MAN1A1: variants seen among roughly 807,000 people sequenced by gnomAD.
MAN1A1 encodes mannosidase alpha class 1A member 1, also known as mannosyl-oligosaccharide 1,2-alpha-mannosidase IA.
A neutral mutation model predicts 70.8 loss-of-function variants in MAN1A1; 29 were observed. The observed-to-expected ratio is 0.41, with a 90% CI of 0.31 to 0.56. The LOEUF is 0.56. Ranked by LOEUF, MAN1A1 falls within the 20% of genes least tolerant of loss-of-function variation. MAN1A1 has a pLI of 0.29. For missense variants in MAN1A1, 747 were observed against 841.3 expected (o/e 0.89, Z 1.39); for synonymous variants, 349 against 330.1 (o/e 1.06, Z -0.62).
chr6:119,189,575 G>C, intron 10 of MAN1A1, 89 bp downstream of exon 10: 5 of 1,150,024 alleles, frequency 4.3e-6, no homozygotes, highest in Non-Finnish European at 6.5e-6. Flanking sequence ...TAGGCAGAGC[G>C]GATAGTCTTT....
At chr6:119,215,013 C>T (rs1774159478) in intron 6 of MAN1A1, among the ~76,000 whole-genome samples, 1 of 146,332 alleles carries the variant, frequency 6.8e-6, no homozygotes, top group South Asian at 2.1e-4. Flanking sequence ...AACACATGGA[C>T]ACAGGAAGGG....
At chr6:119,237,859 TAAAA>T (rs1410328770) in intron 6 of MAN1A1, among the ~76,000 whole-genome samples, 1 of 152,020 alleles carries the variant, frequency 6.6e-6, no homozygotes, top group Non-Finnish European at 1.5e-5. Context: ...TTTTTTTAAA[TAAAA>T]AAAGATATGT....
chr6:119,180,340 GC>G lies in MAN1A1; in HGVS notation c.1806del (p.Gln602HisfsTer10). 1.2e-6 allele frequency: 2 copies of G among 1,613,588 alleles called. No homozygotes were observed. Among genetic ancestry groups the G allele is most frequent in the Non-Finnish European group, 1.7e-6 (2 of 1,179,696 alleles). On this transcript the variant is annotated frameshift_variant, in exon 12 of 13. Coordinates refer to ENST00000368468, the MANE Select transcript of MAN1A1 (RefSeq NM_005907.4). LOFTEE classifies it high-confidence loss of function. ...YLLHESYDDVQQSFFLAETLK... is the reference protein window; with the variant it reads ...YLLHESYDDVXQSFFLAETLK... ...AATGTCTCTGCCAGGAAGAAACTCT[GC>G]TGCACATCATCATAACTCTCATGAA... is the stretch of plus-strand genomic sequence containing the variant.
chr6:119,227,811 C>G (rs191317314), intron 6 of MAN1A1, among the ~76,000 whole-genome samples: 1 of 151,956 alleles, frequency 6.6e-6, no homozygotes, highest in Non-Finnish European at 1.5e-5. Flanking sequence ...ATGTTAACAT[C>G]GGATTGAAAT....
At chr6:119,277,118 G>A (rs1562222120) in intron 5 of MAN1A1, among the ~76,000 whole-genome samples, 1 of 151,910 alleles carries the variant, frequency 6.6e-6, no homozygotes, top group Non-Finnish European at 1.5e-5. Flanking sequence ...TGCCCTCAAG[G>A]CTTATGTTTA....
chr6:119,295,060 T>G (rs1200518886), intron 4 of MAN1A1, among the ~76,000 whole-genome samples: 1 of 152,122 alleles, frequency 6.6e-6, no homozygotes, highest in African/African-American at 2.4e-5. Flanking sequence ...TTATTTTGTA[T>G]GCTTCCCTCC....
rs371098298 is a variant in MAN1A1, at chr6:119,237,597, G to A, written c.992+10663C>T. On this transcript the variant is annotated intron_variant, in intron 6 of 12. Coordinates refer to ENST00000368468, the MANE Select transcript of MAN1A1 (RefSeq NM_005907.4). Reference sequence around the variant, plus strand: ...GGCTAAGGTCTAAATCAAACATAGTGTGGATGGCCCCTTGATGATTTCAGG... The same window carrying A: ...GGCTAAGGTCTAAATCAAACATAGTATGGATGGCCCCTTGATGATTTCAGG... Among the ~76,000 whole-genome samples the A allele has an allele frequency of 2.6e-5, 4 of 152,204 alleles. No homozygotes were observed. The East Asian group carries it at 5.8e-4, about 22-fold the overall frequency.
chr6:119,255,978 C>T (rs928020060), intron 5 of MAN1A1, among the ~76,000 whole-genome samples: 18 of 152,078 alleles, frequency 1.2e-4, no homozygotes, highest in African/African-American at 3.9e-4. Flanking sequence ...TTTTTCTCCC[C>T]TGTGATTCAA....
chr6:119,213,690 C>A (rs1322211081), intron 6 of MAN1A1, among the ~76,000 whole-genome samples: 6 of 152,194 alleles, frequency 3.9e-5, no homozygotes, highest in African/African-American at 1.4e-4. Context: ...TCTTTTACTA[C>A]CACCAGCGCT....
At chr6:119,275,305 TTTTTTTTTTTTTTTTTTTTGA>T in intron 5 of MAN1A1, among the ~76,000 whole-genome samples, 1 of 67,182 alleles carries the variant, frequency 1.5e-5, no homozygotes, top group African/African-American at 6.6e-5. Flanking sequence ...TTTTTTTTTT[TTTTTTTTTTTTTTTTTTTTGA>T]GACGGAGTCT....
intron 6 of MAN1A1, among the ~76,000 whole-genome samples, chr6:119,247,961 T>C (rs1047301171): frequency 6.6e-6 from 1 of 152,198 alleles, no homozygotes; most frequent in Non-Finnish European, 1.5e-5. Context: ...GGGACTCTTT[T>C]GGTATTTATG....
intron 5 of MAN1A1, among the ~76,000 whole-genome samples, chr6:119,256,076 C>T (rs1775449872): frequency 6.6e-6 from 1 of 152,082 alleles, no homozygotes; most frequent in Non-Finnish European, 1.5e-5. Flanking sequence ...ATCTTCCCAA[C>T]TTGTTTTTTT....
chr6:119,289,956 C>G (rs1776488336), intron 5 of MAN1A1, among the ~76,000 whole-genome samples: 1 of 151,986 alleles, frequency 6.6e-6, no homozygotes, highest in Non-Finnish European at 1.5e-5. Flanking sequence ...CAACATTTAA[C>G]ACTGTCAACA....
intron 5 of MAN1A1, among the ~76,000 whole-genome samples, chr6:119,287,839 C>A (rs1776419559): frequency 1.3e-5 from 2 of 151,860 alleles, no homozygotes; most frequent in South Asian, 4.1e-4. Context: ...AGCAGTGCTA[C>A]CTTTTAAATT....
intron 2 of MAN1A1, among the ~76,000 whole-genome samples, chr6:119,344,768 G>C (rs1372338881): frequency 3.3e-5 from 5 of 152,116 alleles, no homozygotes; most frequent in Admixed American, 3.3e-4. Context: ...ATAAATTATA[G>C]GCTATATGCC....
chr6:119,209,288 G>A (rs541272594), intron 6 of MAN1A1, among the ~76,000 whole-genome samples: 15 of 152,162 alleles, frequency 9.9e-5, no homozygotes, highest in African/African-American at 3.4e-4. Flanking sequence ...TATGACTTTC[G>A]ATTTATTCTT....
intron 5 of MAN1A1, among the ~76,000 whole-genome samples, chr6:119,261,344 A>G (rs1775609437): frequency 6.6e-6 from 1 of 152,206 alleles, no homozygotes; most frequent in African/African-American, 2.4e-5. Flanking sequence ...TCTAAATTAC[A>G]AACTTTCAAA....
At chr6:119,298,084 A>C (rs1037065122) in intron 4 of MAN1A1, among the ~76,000 whole-genome samples, 1 of 152,190 alleles carries the variant, frequency 6.6e-6, no homozygotes, top group African/African-American at 2.4e-5. Flanking sequence ...TACTTAGTAA[A>C]TAACACATGA....
intron 6 of MAN1A1, among the ~76,000 whole-genome samples, chr6:119,221,032 C>A (rs1366537695): frequency 6.6e-6 from 1 of 151,046 alleles, no homozygotes; most frequent in Non-Finnish European, 1.5e-5. Context: ...AAAAGAAGTC[C>A]AATTTTTTAA....
Sources: allele counts gnomAD v4.1 joint callset (sites outside exome capture counted in the v4.1 genomes callset), GRCh38; gene constraint gnomAD v4.1.1; transcripts MANE v1.5; gene names NCBI Gene and HGNC (gene_info 2026-07-23, HGNC 2026-07-21).